Variants in PCMTD2 observed in about 807,000 individuals in gnomAD.
PCMTD2 encodes the protein protein-L-isoaspartate (D-aspartate) O-methyltransferase domain containing 2.
In PCMTD2, 16 loss-of-function variants were observed where a neutral mutation model predicts 33.4. The observed-to-expected ratio is 0.48, with a 90% CI of 0.32 to 0.73. PCMTD2 has a LOEUF of 0.73. Ranked by LOEUF, PCMTD2 falls within the 30% of genes least tolerant of loss-of-function variation. PCMTD2 has a pLI of 0.03. For synonymous variants in PCMTD2, 161 were observed against 160.8 expected, an observed-to-expected ratio of 1.00 and a Z score of -0.01; for missense variants, 374 against 449.9, an observed-to-expected ratio of 0.83 and a Z score of 1.53.
chr20:64,260,031 GTAT>G lies in PCMTD2; in HGVS notation c.67_69del (p.Tyr23del). ...TGATAGATAATTTGAAAGAAGCACAGTATATCCGGACTGAGCTGGTAGAGCAGG... is the reference window on the plus strand; with the variant it reads ...TGATAGATAATTTGAAAGAAGCACAGATCCGGACTGAGCTGGTAGAGCAGG... On this transcript the variant is annotated inframe_deletion, in exon 2 of 6. Coordinates refer to ENST00000308824, the MANE Select transcript of PCMTD2 (RefSeq NM_018257.3). 1.2e-6 allele frequency: 2 copies of G among 1,612,366 alleles called. No individual in the cohort carries two copies. The highest frequency in any genetic ancestry group is 1.7e-6 in the Non-Finnish European group (2 of 1,178,378).
rs754163444 is a variant in PCMTD2 at position 64,273,261 on chromosome 20, C to G, written c.747C>G (p.Ile249Met). ...GCAGCCTCCAGGACTTGGCTCGCAT[C>G]GCCATCCGGGGCACCATTAAAAAGA... ...AVRSLQDLARIAIRGTIKKII... is the reference protein window; with the variant it reads ...AVRSLQDLARMAIRGTIKKII... Residue 249 changes from isoleucine to methionine, a missense_variant, in exon 6 of 6, where the codon ATC (isoleucine) becomes ATG (methionine). Transcript: ENST00000308824. The G allele has an allele frequency of 6.2e-7, 1 of 1,613,966 alleles. No homozygotes were observed.
At chr20:64,264,906 G>T (rs1985593086) in intron 3 of PCMTD2, among the ~76,000 whole-genome samples, 1 of 152,182 alleles carries the variant, frequency 6.6e-6, no homozygotes, top group African/African-American at 2.4e-5. Context: ...GAAACACCAA[G>T]TGCAGTTTCA....
At chr20:64,257,854 C>T (rs1985233446) in intron 1 of PCMTD2, among the ~76,000 whole-genome samples, 1 of 152,178 alleles carries the variant, frequency 6.6e-6, no homozygotes. Flanking sequence ...CACAAACTGG[C>T]TATGTGATCA....
rs1488018840 is a variant in PCMTD2, at chr20:64,274,002, T to C, written c.*402T>C. The C allele has an allele frequency of 6.2e-6, 1 of 161,704 alleles. No homozygotes were observed. The highest frequency in any genetic ancestry group is 1.3e-5 in the Non-Finnish European group (1 of 74,838). 10.0% of individuals were successfully genotyped at this position (161,704 alleles called of 1,614,324 possible). A position where few individuals can be genotyped will look rare whatever the true frequency, so the allele number is the denominator to read the frequency against. ...GAAGTGGAAACTAACCTGTGTTGCTTATAAAGTGTGAAAGCACAAGCTTAT... is the reference window on the plus strand; with the variant it reads ...GAAGTGGAAACTAACCTGTGTTGCTCATAAAGTGTGAAAGCACAAGCTTAT... On this transcript the variant is annotated 3_prime_UTR_variant, in exon 6 of 6. Coordinates refer to ENST00000308824, the MANE Select transcript of PCMTD2 (RefSeq NM_018257.3).
At chr20:64,268,836 C>T (rs1302427049) in intron 5 of PCMTD2, among the ~76,000 whole-genome samples, 1 of 151,960 alleles carries the variant, frequency 6.6e-6, no homozygotes, top group Non-Finnish European at 1.5e-5. Context: ...TTGCTTTGGT[C>T]TCTACTAAGT....
chr20:64,257,439 A>G (rs923154775), intron 1 of PCMTD2, among the ~76,000 whole-genome samples: 22 of 152,250 alleles, frequency 1.4e-4, no homozygotes, highest in Non-Finnish European at 1.5e-5. Flanking sequence ...GCACAGTATC[A>G]TCGAGTGCAG....
In PCMTD2 at chr20:64,273,709, G is replaced by T; in HGVS notation, c.*109G>T. 1 of 881,654 alleles carries T rather than the reference G, an allele frequency of 1.1e-6. No homozygotes were observed. The highest frequency in any genetic ancestry group is 1.7e-6 in the Non-Finnish European group (1 of 584,646). The allele number at this position is 881,654 out of a possible 1,614,324, so 54.6% of individuals were successfully genotyped here. A position where few individuals can be genotyped will look rare whatever the true frequency, so the allele number is the denominator to read the frequency against. ...CTGGAGGCAGACGTTGTGGGGAAGGGAACTGCTGGGCTCATCCACACCATG... is the reference window on the plus strand; with the variant it reads ...CTGGAGGCAGACGTTGTGGGGAAGGTAACTGCTGGGCTCATCCACACCATG... On this transcript the variant is annotated 3_prime_UTR_variant, in exon 6 of 6. Transcript: ENST00000308824.
intron 1 of PCMTD2, chr20:64,256,957 A>G (rs992497734): frequency 6.6e-6 from 1 of 152,230 alleles, no homozygotes; most frequent in African/African-American, 2.4e-5. Context: ...CAGTAAACAC[A>G]TCGTTAAACC....
chr20:64,258,178 A>G (rs566542356), intron 1 of PCMTD2, among the ~76,000 whole-genome samples: 2 of 152,342 alleles, frequency 1.3e-5, no homozygotes, highest in South Asian at 4.1e-4. Flanking sequence ...TTTCCTAAAT[A>G]GACCCTTAAG....
chr20:64,259,240 GT>G lies in PCMTD2; in HGVS notation c.-24-697del, dbSNP rs756062521. Reference sequence around the variant, plus strand: ...AATTTGGGAAGAGTGTTTTCTTGCTGTTTTTGTCTAAAATTTGAACATCAAA... The same window carrying G: ...AATTTGGGAAGAGTGTTTTCTTGCTGTTTTGTCTAAAATTTGAACATCAAA... On this transcript the variant is annotated intron_variant, in intron 1 of 5. Transcript: ENST00000308824. Among the ~76,000 whole-genome samples, 117 of 152,238 alleles carry G rather than the reference GT, an allele frequency of 7.7e-4. 1 individual carries two copies. The highest frequency in any genetic ancestry group is 1.5e-3 in the Non-Finnish European group (105 of 68,010).
chr20:64,263,030 T>C (rs1379100529), intron 2 of PCMTD2: 4 of 152,232 alleles, frequency 2.6e-5, no homozygotes, highest in African/African-American at 9.6e-5. Context: ...CTGTTTGGTG[T>C]TAAGCTTCTT....
chr20:64,271,980 G>A (rs932998358), intron 5 of PCMTD2: 2 of 314,558 alleles, frequency 6.4e-6, no homozygotes, highest in East Asian at 7.6e-5. Flanking sequence ...GGAGGGAGCC[G>A]GGTCACAGAT....
In PCMTD2 at chr20:64,260,024, A is replaced by T. The variant is rs991775764; in HGVS notation, c.59A>T (p.Glu20Val). The T allele has an allele frequency of 6.2e-7, 1 of 1,612,484 alleles. No individual in the cohort carries two copies. Among genetic ancestry groups the T allele is most frequent in the Non-Finnish European group, 8.5e-7 (1 of 1,178,460 alleles). ...GATGAGCTGATAGATAATTTGAAAG[A>T]AGCACAGTATATCCGGACTGAGCTG... ...DNDELIDNLKEAQYIRTELVE... is the reference protein window; with the variant it reads ...DNDELIDNLKVAQYIRTELVE... The change falls in exon 2 of 6, where the codon GAA (glutamate) becomes GTA (valine). Residue 20 changes from glutamate (E) to valine (V), a missense_variant. Coordinates refer to ENST00000308824, the MANE Select transcript of PCMTD2 (RefSeq NM_018257.3).
chr20:64,268,783 G>T (rs1985764626), intron 5 of PCMTD2, among the ~76,000 whole-genome samples: 1 of 151,754 alleles, frequency 6.6e-6, no homozygotes, highest in South Asian at 2.1e-4. Context: ...CTTCCAGAAA[G>T]GTTTTTTGAT....
At chr20:64,261,595 T>C (rs1228529629) in intron 2 of PCMTD2, among the ~76,000 whole-genome samples, 6 of 120,508 alleles carry the variant, frequency 5.0e-5, no homozygotes, top group African/African-American at 2.1e-4. Context: ...TATGGAATGA[T>C]AATTTTGTTT....
intron 5 of PCMTD2, among the ~76,000 whole-genome samples, chr20:64,272,394 A>G (rs1216763432): frequency 6.6e-6 from 1 of 152,210 alleles, no homozygotes; most frequent in East Asian, 1.9e-4. Context: ...TTAATTGTCA[A>G]ATGTTCTTTC....
intron 1 of PCMTD2, among the ~76,000 whole-genome samples, chr20:64,259,570 A>G: frequency 6.6e-6 from 1 of 151,878 alleles, no homozygotes; most frequent in East Asian, 1.9e-4. Context: ...TGTATTTTTT[A>G]GTAGAGACGG....
chr20:64,257,967 C>T (rs184304839), intron 1 of PCMTD2, among the ~76,000 whole-genome samples: 173 of 152,316 alleles, frequency 1.1e-3, no homozygotes, highest in Non-Finnish European at 1.8e-3. Flanking sequence ...CTTGTTTTTA[C>T]TAAAAAGCTG....
chr20:64,265,236 A>C, intron 3 of PCMTD2, 22 bp from the exon 4 acceptor site: 2 of 1,571,934 alleles, frequency 1.3e-6, no homozygotes, highest in Non-Finnish European at 1.7e-6. Flanking sequence ...TTTTAGTTGC[A>C]GGAAGCATTT....
Sources: allele counts gnomAD v4.1 joint callset (sites outside exome capture counted in the v4.1 genomes callset), GRCh38; gene constraint gnomAD v4.1.1; transcripts MANE v1.5; gene names NCBI Gene and HGNC (gene_info 2026-07-23, HGNC 2026-07-21).